IRF9: variants seen among roughly 807,000 people sequenced by gnomAD.
IRF9 encodes IFN-alpha-responsive transcription factor subunit.
Under a neutral mutation model 44.1 loss-of-function variants are expected in IRF9, and 13 were observed. That is an observed-to-expected ratio of 0.29 (90% confidence interval 0.19 to 0.47). The LOEUF (loss-of-function observed/expected upper bound fraction) is 0.47, where lower values mean the gene tolerates loss of function less well. IRF9 is among the 20% of genes least tolerant of loss of function. IRF9 has a pLI of 1.00. For synonymous variants in IRF9, 189 were observed against 188.5 expected (o/e 1.00, Z -0.02); for missense variants, 373 against 496.1 (o/e 0.75, Z 2.36).
chr14:24,162,055 C>A, intron 1 of IRF9, 89 bp from the exon 2 acceptor site: 3 of 1,275,728 alleles, frequency 2.4e-6, no homozygotes, highest in South Asian at 1.4e-5. Flanking sequence ...GGACCTGTTG[C>A]CAGAATCTAG....
chr14:24,165,974 G>T lies in IRF9; in HGVS notation c.1107+12G>T. The T allele has an allele frequency of 6.2e-7, 1 of 1,608,784 alleles. No homozygotes were observed. The highest frequency in any genetic ancestry group is 8.5e-7 in the Non-Finnish European group (1 of 1,175,348). ...TTATCACAGTGAAGGTGAGCTCGGA[G>T]CAGGGGTAGAGTACCCATCTAATGA... On this transcript the variant is annotated intron_variant, in intron 8 of 8. Coordinates refer to ENST00000396864, the MANE Select transcript of IRF9 (RefSeq NM_006084.5).
intron 5 of IRF9, 40 bp downstream of exon 5, chr14:24,163,999 C>T (rs757084969): frequency 1.7e-5 from 28 of 1,610,860 alleles, no homozygotes; most frequent in Non-Finnish European, 2.1e-5. Context: ...CCCCATGCCA[C>T]ACCCTCTGGC....
chr14:24,166,412 T>G lies in IRF9; in HGVS notation c.*216T>G, dbSNP rs2139108104. 1 of 592,710 alleles carries G rather than the reference T, an allele frequency of 1.7e-6. No homozygotes were observed. The highest frequency in any genetic ancestry group is 2.8e-5 in the East Asian group (1 of 35,756). The allele number at this position is 592,710 out of a possible 1,614,324, so 36.7% of individuals were successfully genotyped here. A position where few individuals can be genotyped will look rare whatever the true frequency, so the allele number is the denominator to read the frequency against. ...TTTTTTAATTTTGAGATATACGCCCTCTTTCATCTGTAAGGGACTAGGAAA... is the reference window on the plus strand; with the variant it reads ...TTTTTTAATTTTGAGATATACGCCCGCTTTCATCTGTAAGGGACTAGGAAA... On this transcript the variant is annotated 3_prime_UTR_variant, in exon 9 of 9. Coordinates refer to ENST00000396864, the MANE Select transcript of IRF9 (RefSeq NM_006084.5).
At chr14:24,165,243 T>C (rs1316965585) in intron 7 of IRF9, 1 of 701,222 alleles carries the variant, frequency 1.4e-6, no homozygotes, top group Non-Finnish European at 2.6e-6. Flanking sequence ...AAGCATGCAG[T>C]CACTATGTGA....
rs774094988 is a variant in IRF9, at chr14:24,165,865, A to G, written c.1010A>G (p.Gln337Arg). The G allele has an allele frequency of 1.9e-6, 3 of 1,613,894 alleles. No individual in the cohort carries two copies. The highest frequency in any genetic ancestry group is 1.7e-6 in the Non-Finnish European group (2 of 1,179,826). Residue 337 changes from glutamine (Q) to arginine (R), a missense_variant, in exon 8 of 9, where the codon CAG becomes CGG. Coordinates refer to ENST00000396864, the MANE Select transcript of IRF9 (RefSeq NM_006084.5). ...YFCRDLVRYFQGLGPPPKFQV... is the reference protein window; with the variant it reads ...YFCRDLVRYFRGLGPPPKFQV... The stretch of plus-strand genomic sequence containing the variant: ...CTTTCAGACTTGGTCAGGTACTTTC[A>G]GGGCCTGGGCCCCCCACCGAAGTTC...
chr14:24,164,669 G>C lies in IRF9; in HGVS notation c.705G>C (p.Gln235His), dbSNP rs756805161. Residue 235 changes from glutamine (Q) to histidine (H), a missense_variant, in exon 7 of 9, where the codon CAG becomes CAC. Physicochemically the swap from Gln to His is conservative, Grantham distance 24 (BLOSUM62 0). Around this residue, in one of 2 missense-constraint regions of IRF9, gnomAD observed 146 missense variants for 240.8 expected, o/e 0.61. Transcript: ENST00000396864. This position sits in a 1 kb window ranked among gnomAD's most constrained non-coding sequence, Gnocchi z 5.2. The part of the protein sequence containing the change: ...IYNGRVVGEA[Q>H]VQSLDCRLVA... ...ACGGGCGCGTGGTGGGCGAGGCCCAGGTGCAAAGCCTGGATTGCCGCCTTG... is the reference window on the plus strand; with the variant it reads ...ACGGGCGCGTGGTGGGCGAGGCCCACGTGCAAAGCCTGGATTGCCGCCTTG... 6.2e-7 allele frequency: 1 copy of C among 1,613,380 alleles called. No homozygotes were observed. Among genetic ancestry groups the C allele is most frequent in the Non-Finnish European group, 8.5e-7 (1 of 1,179,526 alleles).
intron 8 of IRF9, 69 bp from the exon 9 acceptor site, chr14:24,166,053 A>T: frequency 6.3e-7 from 1 of 1,577,538 alleles, no homozygotes. Flanking sequence ...GTGGGGAAGG[A>T]GCTCCTGGGG....
In IRF9 at chr14:24,165,834, C is replaced by T. The variant is rs748147782; in HGVS notation, c.992-13C>T. 1.3e-6 allele frequency: 2 copies of T among 1,594,164 alleles called. No individual in the cohort carries two copies. Among genetic ancestry groups the T allele is most frequent in the East Asian group, 4.5e-5 (2 of 44,822 alleles). ...CTTTTTGTTCTTCGAACCCTTGACC[C>T]TTTCTCTTTCAGACTTGGTCAGGTA... On this transcript the variant is annotated splice_polypyrimidine_tract_variant and intron_variant, in intron 7 of 8. Coordinates refer to ENST00000396864, the MANE Select transcript of IRF9 (RefSeq NM_006084.5).
chr14:24,164,136 T>A lies in IRF9; in HGVS notation c.649+2T>A. ...AGTTTCTGCTTCCTCCAGAGCCAGG[T>A]ACGTGGCATTTCTGACTTTCTCCTG... On this transcript the variant is annotated splice_donor_variant, in intron 6 of 8. Transcript: ENST00000396864. LOFTEE classifies it high-confidence loss of function. This position sits in a 1 kb window ranked among gnomAD's most constrained non-coding sequence, Gnocchi z 5.2. The A allele has an allele frequency of 1.9e-6, 3 of 1,613,908 alleles. No homozygotes were observed. The highest frequency in any genetic ancestry group is 2.5e-6 in the Non-Finnish European group (3 of 1,179,806).
In IRF9 at chr14:24,165,980, G is replaced by A. The variant is rs1191382355; in HGVS notation, c.1107+18G>A. On this transcript the variant is annotated intron_variant, in intron 8 of 8. Coordinates refer to ENST00000396864, the MANE Select transcript of IRF9 (RefSeq NM_006084.5). The stretch of plus-strand genomic sequence containing the variant: ...CAGTGAAGGTGAGCTCGGAGCAGGG[G>A]TAGAGTACCCATCTAATGAGAGCAG... The A allele has an allele frequency of 6.2e-7, 1 of 1,604,968 alleles. No homozygotes were observed. Among genetic ancestry groups the A allele is most frequent in the African/African-American group, 1.3e-5 (1 of 74,776 alleles).
intron 7 of IRF9, 96 bp from the exon 8 acceptor site, chr14:24,165,751 T>C: frequency 1.3e-6 from 1 of 767,512 alleles, no homozygotes; most frequent in East Asian, 2.7e-5. Context: ...GACCCCCTCC[T>C]ACCTCTCTCC....
rs762966545 is a variant in IRF9 at position 24,164,867 on chromosome 14, T to C, written c.903T>C (p.Asn301=). 3 of 1,611,658 alleles carry C rather than the reference T, an allele frequency of 1.9e-6. No homozygotes were observed. The highest frequency in any genetic ancestry group is 2.5e-6 in the Non-Finnish European group (3 of 1,179,974). Residue 301 remains asparagine, a synonymous_variant, in exon 7 of 9, where the codon AAT becomes AAC. Transcript: ENST00000396864. The surrounding 1 kb of genome is among the most constrained non-coding windows in gnomAD (Gnocchi z 5.2). ...TTTGCCCCATCCCCATCTCCTGGAA[T>C]GCACCCCAGGCTCCACCTGGGCCAG... ...QRLCPIPISW[N]APQAPPGPGP... is the part of the protein sequence containing the mutation.
Position 24,163,413 on chromosome 14 carries a change from C to G in IRF9, c.400C>G (p.Gln134Glu). The G allele has an allele frequency of 6.2e-7, 1 of 1,614,166 alleles. No individual in the cohort carries two copies. Among genetic ancestry groups the G allele is most frequent in the Non-Finnish European group, 8.5e-7 (1 of 1,179,988 alleles). Reference protein sequence around the residue: ...PGTQKVPSKRQHSSVSSERKE... With the variant: ...PGTQKVPSKREHSSVSSERKE... ...GACTCAGAAAGTACCATCAAAGCGACAGCACAGTTCTGTGTCCTCTGAGAG... is the reference window on the plus strand; with the variant it reads ...GACTCAGAAAGTACCATCAAAGCGAGAGCACAGTTCTGTGTCCTCTGAGAG... Residue 134 changes from glutamine to glutamate, a missense_variant, in exon 4 of 9, where the codon CAG becomes GAG. Coordinates refer to ENST00000396864, the MANE Select transcript of IRF9 (RefSeq NM_006084.5).
At position 24,164,526 on chromosome 14, in the gene IRF9, G is replaced by T. The variant is rs1566620591; in HGVS notation, c.650-88G>T. 1 of 1,271,294 alleles carries T rather than the reference G, an allele frequency of 7.9e-7. No individual in the cohort carries two copies. The highest frequency in any genetic ancestry group is 2.2e-5 in the Admixed American group (1 of 45,302). The allele number at this position is 1,271,294 out of a possible 1,614,324, so 78.8% of individuals were successfully genotyped here. On this transcript the variant is annotated intron_variant, in intron 6 of 8. Coordinates refer to ENST00000396864, the MANE Select transcript of IRF9 (RefSeq NM_006084.5). This position sits in a 1 kb window ranked among gnomAD's most constrained non-coding sequence, Gnocchi z 5.2. Reference sequence around the variant, plus strand: ...AGAGGAAGCCCCCTGGCTGGTGTGGGGAGGGGAGGTGGAGTTGTTCCCCTG... The same window carrying T: ...AGAGGAAGCCCCCTGGCTGGTGTGGTGAGGGGAGGTGGAGTTGTTCCCCTG...
chr14:24,164,663 G>C lies in IRF9; in HGVS notation c.699G>C (p.Glu233Asp), dbSNP rs1465107384. 5.0e-6 allele frequency: 8 copies of C among 1,613,052 alleles called. No homozygotes were observed. Among genetic ancestry groups the C allele is most frequent in the Non-Finnish European group, 6.8e-6 (8 of 1,179,336 alleles). The change falls in exon 7 of 9, where the codon GAG becomes GAC. Residue 233 changes from glutamate (E) to aspartate (D), a missense_variant. Glu to Asp is a conservative substitution (Grantham distance 45, BLOSUM62 2). Coordinates refer to ENST00000396864, the MANE Select transcript of IRF9 (RefSeq NM_006084.5). The surrounding 1 kb of genome is among the most constrained non-coding windows in gnomAD (Gnocchi z 5.2). ...TFIYNGRVVG[E>D]AQVQSLDCRL... ...TCTACAACGGGCGCGTGGTGGGCGAGGCCCAGGTGCAAAGCCTGGATTGCC... is the reference window on the plus strand; with the variant it reads ...TCTACAACGGGCGCGTGGTGGGCGACGCCCAGGTGCAAAGCCTGGATTGCC...
rs749942766 is a variant in IRF9 at position 24,164,817 on chromosome 14, C to T, written c.853C>T (p.Pro285Ser). ...GAGGGGCATCCTAGTGGCCAGCAAC[C>T]CCCGAGGCCTCTTCGTGCAGCGCCT... ...LERGILVASN[P>S]RGLFVQRLCP... is the part of the protein sequence containing the mutation. Residue 285 changes from proline to serine, a missense_variant, in exon 7 of 9, where the codon CCC becomes TCC. This residue lies in a region of IRF9 where 146 missense variants were observed against 240.8 expected (regional missense o/e 0.61). Coordinates refer to ENST00000396864, the MANE Select transcript of IRF9 (RefSeq NM_006084.5). The surrounding 1 kb of genome is among the most constrained non-coding windows in gnomAD (Gnocchi z 5.2). 9 of 1,609,818 alleles carry T rather than the reference C, an allele frequency of 5.6e-6. No homozygotes were observed. In the Admixed American group the frequency reaches 8.3e-5, roughly 15 times the overall value.
Position 24,162,182 on chromosome 14 carries a change from G to C in IRF9, c.38G>C (p.Arg13Pro). 1.9e-6 allele frequency: 3 copies of C among 1,614,130 alleles called. No homozygotes were observed. Among genetic ancestry groups the C allele is most frequent in the Non-Finnish European group, 2.5e-6 (3 of 1,180,030 alleles). ...AGGGCACGCTGCACCCGAAAACTCC[G>C]GAACTGGGTGGTGGAGCAAGTGGAG... ...SGRARCTRKLRNWVVEQVESG... is the reference protein window; with the variant it reads ...SGRARCTRKLPNWVVEQVESG... Residue 13 changes from arginine to proline, a missense_variant, in exon 2 of 9, where the codon CGG becomes CCG. Physicochemically the swap from Arg to Pro is moderately radical, Grantham distance 103 (BLOSUM62 -2). Around this residue, in one of 2 missense-constraint regions of IRF9, gnomAD observed 227 missense variants for 255.3 expected, o/e 0.89. Coordinates refer to ENST00000396864, the MANE Select transcript of IRF9 (RefSeq NM_006084.5).
At position 24,166,119 on chromosome 14, in the gene IRF9, C is replaced by G. The variant is rs978866275; in HGVS notation, c.1108-3C>G. The G allele has an allele frequency of 2.5e-6, 4 of 1,613,338 alleles. No individual in the cohort carries two copies. Among genetic ancestry groups the G allele is most frequent in the Non-Finnish European group, 3.4e-6 (4 of 1,179,546 alleles). ...ATGCTCTTCTCCATCTCTTCCAATA[C>G]AGATGGAGCAGGCCTTTGCCCGATA... On this transcript the variant is annotated splice_polypyrimidine_tract_variant and splice_region_variant and intron_variant, in intron 8 of 8. Transcript: ENST00000396864.
chr14:24,165,012 T>G, intron 7 of IRF9, 57 bp downstream of exon 7: 4 of 1,537,552 alleles, frequency 2.6e-6, no homozygotes, highest in Non-Finnish European at 3.6e-6. Context: ...TAGTACCCCC[T>G]GGGCCCAACT....
Sources: gnomAD v4.1 joint callset for allele counts on GRCh38, gnomAD v4.1.1 for gene constraint, gnomAD v4.1.1 regional missense constraint, Gnocchi (gnomAD v3.1) non-coding constraint, MANE v1.5 for transcripts, NCBI Gene and HGNC (gene_info 2026-07-23, HGNC 2026-07-21) for gene names.